The following LAMB3 variants were observed in gnomAD, a reference collection of about 807,000 sequenced individuals.
LAMB3 encodes laminin subunit beta 3, also known as laminin subunit beta-3.
LAMB3 carries 104 observed loss-of-function variants against 140.3 expected under a neutral mutation model. The ratio of observed to expected loss-of-function variants is 0.74; its 90% CI spans 0.63 to 0.87. The LOEUF (loss-of-function observed/expected upper bound fraction) is 0.87, where lower values mean the gene tolerates loss of function less well. Ranked by LOEUF, LAMB3 falls within the 40% of genes least tolerant of loss-of-function variation. The pLI is 0.00. For synonymous variants in LAMB3, 592 were observed against 602.9 expected, an observed-to-expected ratio of 0.98 and a Z score of 0.26; for missense variants, 1,531 against 1,575.2, an observed-to-expected ratio of 0.97 and a Z score of 0.47.
At position 209,623,189 on chromosome 1, in the gene LAMB3, G is replaced by A; in HGVS notation, c.2359-10C>T. 1 of 1,614,096 alleles carries A rather than the reference G, an allele frequency of 6.2e-7. No homozygotes were observed. The highest frequency in any genetic ancestry group is 1.7e-5 in the Admixed American group (1 of 60,026). The stretch of plus-strand genomic sequence containing the variant: ...TGGAGTTGCCACAGAGCTGTGGACA[G>A]ATGGCGGTGTTAAAGAGGCTACCCA... On this transcript the variant is annotated splice_polypyrimidine_tract_variant and intron_variant, in intron 16 of 22. Transcript: ENST00000356082. The surrounding 1 kb of genome is among the most constrained non-coding windows in gnomAD (Gnocchi z 4.2).
At chr1:209,628,748 G>A (rs1220991362) in intron 10 of LAMB3, among the ~76,000 whole-genome samples, 1 of 151,142 alleles carries the variant, frequency 6.6e-6, no homozygotes, top group Non-Finnish European at 1.5e-5. Context: ...ATAAAGCAGG[G>A]GGAGCATATT....
At chr1:209,622,443 TAGGG>T in intron 18 of LAMB3, 89 bp downstream of exon 18, 1 of 1,471,906 alleles carries the variant, frequency 6.8e-7, no homozygotes, top group Non-Finnish European at 9.4e-7. Context: ...GGCCTGGGAC[TAGGG>T]AGGGAGGGCT....
At position 209,648,423 on chromosome 1, in the gene LAMB3, C is replaced by T. The variant is rs552993048; in HGVS notation, c.183+1541G>A. ...TTCCAAAAGGCTAGATAAATTTATT[C>T]CCCCTTAGAAAAAAAAGAAGAAACA... On this transcript the variant is annotated intron_variant, in intron 3 of 22. Coordinates refer to ENST00000356082, the MANE Select transcript of LAMB3 (RefSeq NM_000228.3). Among the ~76,000 whole-genome samples the T allele has an allele frequency of 2.7e-3, 405 of 152,240 alleles. 1 individual carries two copies. Among genetic ancestry groups the T allele is most frequent in the African/African-American group, 9.5e-3 (393 of 41,544 alleles).
rs768371778 is a variant in LAMB3, at chr1:209,617,950, C to A, written c.3008G>T (p.Gly1003Val). ...GATAAGCCGAAGGGAGCGGCTGGTG[C>A]CTTGCATGGTGTCCTGAGCTTCCTG... ...ALQEAQDTMQ[G>V]TSRSLRLIQD... The change falls in exon 20 of 23, where the codon GGC (glycine) becomes GTC (valine). Residue 1003 changes from glycine to valine, a missense_variant. Physicochemically the swap from Gly to Val is moderately radical, Grantham distance 109 (BLOSUM62 -3). Coordinates refer to ENST00000356082, the MANE Select transcript of LAMB3 (RefSeq NM_000228.3). 1.2e-6 allele frequency: 2 copies of A among 1,614,114 alleles called. No individual in the cohort carries two copies. The highest frequency in any genetic ancestry group is 2.2e-5 in the South Asian group (2 of 91,084).
chr1:209,625,831 C>G lies in LAMB3; in HGVS notation c.1793G>C (p.Arg598Pro). 1 of 1,614,126 alleles carries G rather than the reference C, an allele frequency of 6.2e-7. No individual in the cohort carries two copies. Among genetic ancestry groups the G allele is most frequent in the Non-Finnish European group, 8.5e-7 (1 of 1,180,032 alleles). ...YDADLREQALRFGRLRNATAS... is the reference protein window; with the variant it reads ...YDADLREQALPFGRLRNATAS... Reference sequence around the variant, plus strand: ...GGTGGCATTGCGGAGTCTACCAAAGCGCAGGGCCTGCTCCCGGAGGTCCGC... The same window carrying G: ...GGTGGCATTGCGGAGTCTACCAAAGGGCAGGGCCTGCTCCCGGAGGTCCGC... The change falls in exon 14 of 23, where the codon CGC (arginine) becomes CCC (proline). Residue 598 changes from arginine (R) to proline (P), a missense_variant. Arg to Pro is a moderately radical substitution (Grantham distance 103). Transcript: ENST00000356082.
chr1:209,636,465 C>A (rs1229179801), intron 5 of LAMB3, among the ~76,000 whole-genome samples: 1 of 152,172 alleles, frequency 6.6e-6, no homozygotes, highest in Non-Finnish European at 1.5e-5. Context: ...CAGGTGGACC[C>A]CCAACACCTA....
intron 14 of LAMB3, 90 bp from the exon 15 acceptor site, chr1:209,624,090 C>A: frequency 8.9e-7 from 1 of 1,122,366 alleles, no homozygotes; most frequent in South Asian, 1.4e-5. Context: ...GCTACTGAGT[C>A]AGAACAAACA....
intron 22 of LAMB3, among the ~76,000 whole-genome samples, chr1:209,615,952 C>T (rs963938959): frequency 6.6e-6 from 1 of 152,144 alleles, no homozygotes; most frequent in Non-Finnish European, 1.5e-5. Flanking sequence ...CCCTCTTCTC[C>T]TGTCCCTATG....
rs774356902 is a variant in LAMB3, at chr1:209,623,619, C to G, written c.2244G>C (p.Glu748Asp). 1 of 1,614,108 alleles carries G rather than the reference C, an allele frequency of 6.2e-7. No individual in the cohort carries two copies. The highest frequency in any genetic ancestry group is 1.3e-5 in the African/African-American group (1 of 74,944). ...CCGCCTGCCGCACCAGCCTCTCTGC[C>G]TCTCTCCGGCTGTCCCTGAGCTGGT... ...LLDQLRDSRR[E>D]AERLVRQAGG... Residue 748 changes from glutamate to aspartate, a missense_variant, in exon 16 of 23, where the codon GAG (glutamate) becomes GAC (aspartate). Glu to Asp is a conservative substitution (Grantham distance 45, BLOSUM62 2). Transcript: ENST00000356082. This position sits in a 1 kb window ranked among gnomAD's most constrained non-coding sequence, Gnocchi z 4.2.
chr1:209,650,106 A>G lies in LAMB3; in HGVS notation c.41T>C (p.Leu14Pro). 1 of 1,613,520 alleles carries G rather than the reference A, an allele frequency of 6.2e-7. No individual in the cohort carries two copies. Among genetic ancestry groups the G allele is most frequent in the Non-Finnish European group, 8.5e-7 (1 of 1,179,846 alleles). Reference protein sequence around the residue: ...FFLLCFALPGLLHAQQACSRG... With the variant: ...FFLLCFALPGPLHAQQACSRG... ...GGAGCAGGCTTGTTGGGCATGCAGG[A>G]GGCCAGGCAGGGCTGAAATCACAGG... The change falls in exon 3 of 23, where the codon CTC becomes CCC. Residue 14 changes from leucine to proline, a missense_variant. Physicochemically the swap from Leu to Pro is moderately conservative, Grantham distance 98 (BLOSUM62 -3). Transcript: ENST00000356082.
At position 209,648,877 on chromosome 1, in the gene LAMB3, T is replaced by G. The variant is rs192532507; in HGVS notation, c.183+1087A>C. Among the ~76,000 whole-genome samples, 1,301 of 152,316 alleles carry G rather than the reference T, an allele frequency of 8.5e-3. 15 individuals carry two copies. Among genetic ancestry groups the G allele is most frequent in the Non-Finnish European group, 0.011 (779 of 68,026 alleles). ...AAAAAAAATTTTTTTAATTTTTATT[T>G]TTTTAAAAATTCAATACTCAATACT... On this transcript the variant is annotated intron_variant, in intron 3 of 22. Coordinates refer to ENST00000356082, the MANE Select transcript of LAMB3 (RefSeq NM_000228.3).
intron 5 of LAMB3, among the ~76,000 whole-genome samples, chr1:209,637,468 G>A (rs1040596043): frequency 1.1e-4 from 16 of 152,090 alleles, no homozygotes; most frequent in Non-Finnish European, 1.8e-4. Flanking sequence ...AAGTAATGGC[G>A]CTGAATGAGT....
intron 3 of LAMB3, among the ~76,000 whole-genome samples, chr1:209,642,703 T>A (rs1255673086): frequency 6.6e-6 from 1 of 152,178 alleles, no homozygotes; most frequent in Non-Finnish European, 1.5e-5. Flanking sequence ...GGTCTCGAAC[T>A]CCTGACCTCA....
In LAMB3 at chr1:209,623,069, G is replaced by A. The variant is rs1484332735; in HGVS notation, c.2469C>T (p.Pro823=). The A allele has an allele frequency of 3.1e-6, 5 of 1,614,216 alleles. No individual in the cohort carries two copies. The Middle Eastern group carries it at 5.0e-4, about 160-fold the overall frequency. The change falls in exon 17 of 23, where the codon CCC becomes CCT. Residue 823 remains proline, a synonymous_variant. Transcript: ENST00000356082. The surrounding 1 kb of genome is among the most constrained non-coding windows in gnomAD (Gnocchi z 4.2). ...CCATCAAGAAGGCCCCACCGGCCCTGGGAAGGACACCCCTGCAGCGGGAGC... is the reference window on the plus strand; with the variant it reads ...CCATCAAGAAGGCCCCACCGGCCCTAGGAAGGACACCCCTGCAGCGGGAGC... ...ACGSRCRGVL[P]RAGGAFLMAG...
chr1:209,635,365 C>T (rs1016091859), intron 5 of LAMB3, among the ~76,000 whole-genome samples: 2 of 151,980 alleles, frequency 1.3e-5, no homozygotes, highest in East Asian at 3.9e-4. Context: ...CACGTTCACT[C>T]TTACTCAGTC....
rs528757598 is a variant in LAMB3, at chr1:209,618,374, C to T, written c.2909+78G>A. On this transcript the variant is annotated intron_variant, in intron 19 of 22. Coordinates refer to ENST00000356082, the MANE Select transcript of LAMB3 (RefSeq NM_000228.3). ...TCCTGTCTCCCAGCCCTCTGTACCC[C>T]TCTCCCAGCAACGGGGTTGAGGAGC... The T allele has an allele frequency of 6.3e-6, 9 of 1,431,496 alleles. No homozygotes were observed. In the African/African-American group the frequency reaches 7.0e-5, roughly 11 times the overall value. 88.7% of individuals were successfully genotyped at this position (1,431,496 alleles called of 1,614,324 possible). A position where few individuals can be genotyped will look rare whatever the true frequency, so the allele number is the denominator to read the frequency against.
chr1:209,618,150 G>A, intron 19 of LAMB3, 102 bp from the exon 20 acceptor site: 1 of 1,454,050 alleles, frequency 6.9e-7, no homozygotes. Flanking sequence ...ACCCTTCCCA[G>A]CCAAGGCAAA....
At chr1:209,648,320 C>T (rs1009775389) in intron 3 of LAMB3, among the ~76,000 whole-genome samples, 10 of 152,214 alleles carry the variant, frequency 6.6e-5, no homozygotes, top group African/African-American at 1.4e-4. Flanking sequence ...AATCTCTTGC[C>T]CAAGGTCACA....
Position 209,623,661 on chromosome 1 carries a change from G to A in LAMB3, c.2202C>T (p.Asp734=), listed in dbSNP as rs140720448. The part of the protein sequence containing the change: ...QSAQAAQQVS[D]SSRLLDQLRD... ...TGAGCTGGTCCAAAAGGCGCGAGCTGTCGGAGACCTGCTGAGCAGCCTGGG... is the reference window on the plus strand; with the variant it reads ...TGAGCTGGTCCAAAAGGCGCGAGCTATCGGAGACCTGCTGAGCAGCCTGGG... The change falls in exon 16 of 23, where the codon GAC becomes GAT. Residue 734 remains aspartate (D), a synonymous_variant. Coordinates refer to ENST00000356082, the MANE Select transcript of LAMB3 (RefSeq NM_000228.3). This position sits in a 1 kb window ranked among gnomAD's most constrained non-coding sequence, Gnocchi z 4.2. 8.7e-5 allele frequency: 140 copies of A among 1,614,114 alleles called. No individual in the cohort carries two copies. In the African/African-American group the frequency reaches 1.3e-3, roughly 15 times the overall value.
Sources: allele counts gnomAD v4.1 joint callset (sites outside exome capture counted in the v4.1 genomes callset), GRCh38; gene constraint gnomAD v4.1.1; non-coding constraint Gnocchi (gnomAD v3.1); transcripts MANE v1.5; gene names NCBI Gene and HGNC (gene_info 2026-07-23, HGNC 2026-07-21).